The following ANO4 variants were observed in gnomAD, a reference collection of about 807,000 sequenced individuals.
ANO4 encodes the protein anoctamin 4.
Under a neutral mutation model 141.9 loss-of-function variants are expected in ANO4, and 69 were observed. The ratio of observed to expected loss-of-function variants is 0.49; its 90% CI spans 0.40 to 0.59. The LOEUF is 0.59. Among genes scored for constraint, ANO4 ranks in the 20% least tolerant of loss-of-function variants. ANO4 has a pLI of 0.00. For synonymous variants in ANO4, 350 were observed against 394.3 expected, an observed-to-expected ratio of 0.89 and a Z score of 1.33; for missense variants, 894 against 1,162.2, an observed-to-expected ratio of 0.77 and a Z score of 3.36.
At chr12:100,884,278 A>G (rs984074503) in intron 1 of ANO4, among the ~76,000 whole-genome samples, 3 of 152,234 alleles carry the variant, frequency 2.0e-5, no homozygotes, top group African/African-American at 7.2e-5. Context: ...ATAAATTTTT[A>G]GGCTTCTCTG....
intron 5 of ANO4, 50 bp from the exon 6 acceptor site, chr12:100,971,256 G>C (rs374148629): frequency 2.2e-6 from 3 of 1,363,666 alleles, no homozygotes; most frequent in Non-Finnish European, 3.1e-6. Context: ...AACTTAAACT[G>C]TGGGAGCCTT....
intron 10 of ANO4, 124 bp from the exon 11 acceptor site, chr12:101,039,831 G>A: frequency 9.4e-7 from 1 of 1,063,984 alleles, no homozygotes; most frequent in African/African-American, 1.6e-5. Context: ...TTAATAGAGA[G>A]GATTCATTTC....
chr12:100,853,529 A>G (rs1040053160), intron 1 of ANO4, among the ~76,000 whole-genome samples: 7 of 151,956 alleles, frequency 4.6e-5, no homozygotes, highest in East Asian at 3.8e-4. Context: ...CTTCTGTTCT[A>G]TTGGTCTATT....
chr12:100,886,135 G>T (rs2039815141), intron 1 of ANO4, among the ~76,000 whole-genome samples: 1 of 151,966 alleles, frequency 6.6e-6, no homozygotes, highest in South Asian at 2.1e-4. Flanking sequence ...TCTGATCCAG[G>T]CTTCTATGAC....
chr12:100,971,450 T>C, intron 6 of ANO4, 44 bp downstream of exon 6: 2 of 1,362,560 alleles, frequency 1.5e-6, no homozygotes, highest in Admixed American at 1.7e-5. Context: ...GCTGCTTCAC[T>C]GTAAATCTAA....
intron 3 of ANO4, among the ~76,000 whole-genome samples, chr12:100,925,424 G>A (rs371174961): frequency 2.2e-4 from 34 of 151,790 alleles, no homozygotes; most frequent in South Asian, 4.2e-4. Context: ...GAGAACATGC[G>A]GTGTTTGGTT....
chr12:100,939,334 T>G lies in ANO4; in HGVS notation c.180T>G (p.Ile60Met), dbSNP rs539011369. Residue 60 changes from isoleucine to methionine, a missense_variant, in exon 4 of 28, where the codon ATT becomes ATG. By Grantham distance (10) the Ile-to-Met change is conservative (BLOSUM62 1). Transcript: ENST00000392977. ...TTCTAGTGGCCAAGGATGTCAATAT[T>G]CTTTTTGATGAATTAGAAGCTGTCA... The part of the protein sequence containing the change: ...AIQEMAKDVN[I>M]LFDELEAVSS... 6.2e-7 allele frequency: 1 copy of G among 1,613,470 alleles called. No individual in the cohort carries two copies. Among genetic ancestry groups the G allele is most frequent in the East Asian group, 2.2e-5 (1 of 44,864 alleles).
intron 2 of ANO4, among the ~76,000 whole-genome samples, chr12:100,912,391 T>TA (rs2041138951): frequency 1.8e-5 from 1 of 54,072 alleles, no homozygotes; most frequent in African/African-American, 7.9e-5. Context: ...CAGGACTCTG[T>TA]CAAAAAAAAA....
chr12:101,094,216 G>A (rs200459497), intron 17 of ANO4, 40 bp from the exon 18 acceptor site: 134 of 1,527,668 alleles, frequency 8.8e-5, no homozygotes, highest in African/African-American at 4.8e-4. Context: ...TTTATAATAC[G>A]TGCAGTTCAT....
chr12:100,998,543 C>T (rs1288366405), intron 8 of ANO4, among the ~76,000 whole-genome samples: 1 of 152,194 alleles, frequency 6.6e-6, no homozygotes, highest in Non-Finnish European at 1.5e-5. Flanking sequence ...AAGCAAATAA[C>T]ATCACATTCT....
At chr12:100,757,358 A>G (rs1000025175) in intron 3 of ANO4, among the ~76,000 whole-genome samples, 1 of 152,168 alleles carries the variant, frequency 6.6e-6, no homozygotes, top group South Asian at 2.1e-4. Flanking sequence ...CAAATCTGGT[A>G]TGTCACTTCC....
At chr12:100,951,659 C>CT (rs1169180791) in intron 5 of ANO4, among the ~76,000 whole-genome samples, 2 of 152,126 alleles carry the variant, frequency 1.3e-5, no homozygotes, top group East Asian at 3.9e-4. Flanking sequence ...TATGTCTCTT[C>CT]TTTTTTGAGA....
At chr12:101,083,178 A>G (rs2049352786) in intron 15 of ANO4, among the ~76,000 whole-genome samples, 1 of 152,188 alleles carries the variant, frequency 6.6e-6, no homozygotes, top group Non-Finnish European at 1.5e-5. Flanking sequence ...TTTTTAGTGA[A>G]CTAAACCTAA....
At chr12:100,957,392 A>G (rs1463873346) in intron 5 of ANO4, among the ~76,000 whole-genome samples, 4 of 152,188 alleles carry the variant, frequency 2.6e-5, no homozygotes, top group Non-Finnish European at 4.4e-5. Context: ...CAGCACCCTC[A>G]TGATCCAAAC....
intron 1 of ANO4, among the ~76,000 whole-genome samples, chr12:100,875,400 GA>G (rs2135939523): frequency 6.6e-6 from 1 of 152,294 alleles, no homozygotes; most frequent in Non-Finnish European, 1.5e-5. Context: ...CATCACTTCT[GA>G]CCAGAACTCA....
At chr12:101,041,240 A>G (rs2047400926) in intron 11 of ANO4, among the ~76,000 whole-genome samples, 1 of 152,232 alleles carries the variant, frequency 6.6e-6, no homozygotes, top group Non-Finnish European at 1.5e-5. Context: ...AATGCACTTT[A>G]TATTTGAGCC....
At chr12:100,787,820 G>A (rs889516587) in intron 3 of ANO4, among the ~76,000 whole-genome samples, 1 of 152,180 alleles carries the variant, frequency 6.6e-6, no homozygotes, top group Non-Finnish European at 1.5e-5. Flanking sequence ...AGAGTAGATA[G>A]CGATGCATTT....
chr12:100,842,245 C>G (rs1157356813), intron 1 of ANO4: 2 of 151,968 alleles, frequency 1.3e-5, no homozygotes, highest in Admixed American at 6.6e-5. Flanking sequence ...TAGGTCAGTG[C>G]TACTCTTATA....
chr12:100,822,585 A>G (rs2036113858), intron 1 of ANO4, among the ~76,000 whole-genome samples: 1 of 152,010 alleles, frequency 6.6e-6, no homozygotes, highest in Non-Finnish European at 1.5e-5. Context: ...AATTTTTTCC[A>G]AAGAAATCCA....
Sources: gnomAD v4.1 joint callset for allele counts (sites outside exome capture counted in the v4.1 genomes callset) on GRCh38, gnomAD v4.1.1 for gene constraint, MANE v1.5 for transcripts, NCBI Gene and HGNC (gene_info 2026-07-23, HGNC 2026-07-21) for gene names.